The following KIAA0513 variants were observed in gnomAD, a reference collection of about 807,000 sequenced individuals.
KIAA0513 encodes uncharacterized protein KIAA0513.
Under a neutral mutation model 56.5 loss-of-function variants are expected in KIAA0513, and 39 were observed. The ratio of observed to expected loss-of-function variants is 0.69; its 90% CI spans 0.53 to 0.90. KIAA0513 has a LOEUF of 0.90. Ranked by LOEUF, KIAA0513 falls within the 40% of genes least tolerant of loss-of-function variation. The probability of loss-of-function intolerance (pLI) is 0.00; values close to 1 mark genes in which losing one functional copy is unlikely to be tolerated. For synonymous variants in KIAA0513, 268 were observed against 215.6 expected, an observed-to-expected ratio of 1.24 and a Z score of -2.13; for missense variants, 591 against 535.2, an observed-to-expected ratio of 1.10 and a Z score of -1.03.
chr16:85,082,610 G>A lies in KIAA0513; in HGVS notation c.1010+17G>A, dbSNP rs772956440. ...GGAGAAGAGGTGTGTGTGTCCACGT[G>A]ACTTTGTTCCATTTTACAGTGCGGG... is the stretch of plus-strand genomic sequence containing the variant. On this transcript the variant is annotated intron_variant, in intron 10 of 12. Coordinates refer to ENST00000683363, the MANE Select transcript of KIAA0513 (RefSeq NM_001388359.1). 1 of 1,613,866 alleles carries A rather than the reference G, an allele frequency of 6.2e-7. No homozygotes were observed. Among genetic ancestry groups the A allele is most frequent in the South Asian group, 1.1e-5 (1 of 91,074 alleles).
rs570788161 is a variant in KIAA0513, at chr16:85,030,534, G to C, written c.-173+2676G>C. On this transcript the variant is annotated intron_variant, in intron 1 of 12. Transcript: ENST00000683363. ...GGCCGAGGCAGGTGGATCACCTGAG[G>C]TCAGGAGTTCGAGACCAGCTTGGGC... Among the ~76,000 whole-genome samples, 467 of 152,208 alleles carry C rather than the reference G, an allele frequency of 3.1e-3. 1 individual carries two copies. The highest frequency in any genetic ancestry group is 0.011 in the African/African-American group (438 of 41,528).
intron 10 of KIAA0513, among the ~76,000 whole-genome samples, chr16:85,085,773 G>A (rs976011904): frequency 7.9e-5 from 12 of 152,212 alleles, no homozygotes; most frequent in African/African-American, 1.9e-4. Context: ...GCAGGTGAAC[G>A]CTCAGAACAC....
intron 1 of KIAA0513, among the ~76,000 whole-genome samples, chr16:85,031,593 T>C (rs574021558): frequency 2.0e-5 from 3 of 152,292 alleles, no homozygotes; most frequent in African/African-American, 7.2e-5. Flanking sequence ...CCTGCCTGTT[T>C]CTCCAGCTTC....
intron 1 of KIAA0513, among the ~76,000 whole-genome samples, chr16:85,049,179 G>A (rs1315252508): frequency 6.6e-6 from 1 of 152,228 alleles, no homozygotes. Flanking sequence ...CAGGTGTCAC[G>A]GGTAGGCAGG....
intron 1 of KIAA0513, among the ~76,000 whole-genome samples, chr16:85,058,364 C>T (rs555359668): frequency 6.7e-4 from 102 of 152,270 alleles, no homozygotes; most frequent in Non-Finnish European, 1.3e-3. Context: ...TAAAGAAATG[C>T]CTGTTTTGGC....
chr16:85,069,493 CG>C (rs751345246), intron 2 of KIAA0513, among the ~76,000 whole-genome samples: 17 of 152,078 alleles, frequency 1.1e-4, no homozygotes, highest in Admixed American at 3.9e-4. Context: ...AGGGAGAGTT[CG>C]GGGCTGTGAC....
At chr16:85,082,483 G>C in intron 9 of KIAA0513, 81 bp from the exon 10 acceptor site, 5 of 1,399,232 alleles carry the variant, frequency 3.6e-6, no homozygotes, top group Middle Eastern at 3.6e-4. Flanking sequence ...ACCCTCCTCT[G>C]CTTGTTCTCT....
chr16:85,059,014 T>A (rs1367732392), intron 1 of KIAA0513, among the ~76,000 whole-genome samples: 2 of 152,234 alleles, frequency 1.3e-5, no homozygotes, highest in Non-Finnish European at 2.9e-5. Flanking sequence ...TATAAATCTA[T>A]GTCTGGACAG....
intron 1 of KIAA0513, among the ~76,000 whole-genome samples, chr16:85,036,533 A>C (rs2073038777): frequency 6.6e-6 from 1 of 152,124 alleles, no homozygotes; most frequent in Admixed American, 6.5e-5. Context: ...ATTGTCTAGT[A>C]CTGGGAAAGA....
intron 1 of KIAA0513, among the ~76,000 whole-genome samples, chr16:85,030,720 G>A (rs2072952707): frequency 6.6e-6 from 1 of 151,230 alleles, no homozygotes; most frequent in Admixed American, 6.6e-5. Context: ...CTCCAGCCTG[G>A]GTGACAGAGA....
rs2073578405 is a variant in KIAA0513 at position 85,071,766 on chromosome 16, T to C, written c.330-17T>C. The C allele has an allele frequency of 8.3e-6, 3 of 363,394 alleles. No individual in the cohort carries two copies. Among genetic ancestry groups the C allele is most frequent in the Non-Finnish European group, 1.2e-5 (3 of 244,862 alleles). The allele number at this position is 363,394 out of a possible 1,614,324, so 22.5% of individuals were successfully genotyped here. ...GGTTTTTTTTTTTTTTCCTCTGCTC[T>C]TTTTTTTTTTTTTTAGGGAGGACTT... On this transcript the variant is annotated splice_polypyrimidine_tract_variant and intron_variant, in intron 2 of 12. Transcript: ENST00000683363.
rs547729553 is a variant in KIAA0513 at position 85,078,170 on chromosome 16, C to T, written c.783-245C>T. 2.1e-3 allele frequency among the ~76,000 whole-genome samples: 318 copies of T among 152,302 alleles called. 1 individual carries two copies. Among genetic ancestry groups the T allele is most frequent in the South Asian group, 6.4e-3 (31 of 4,832 alleles). On this transcript the variant is annotated intron_variant, in intron 6 of 12. Transcript: ENST00000683363. ...GCTGGGCCACAGCCGGGTGCCTTGG[C>T]CTCCTCCTCTACCCCATTCAGCTTT...
At chr16:85,073,274 G>C (rs1452416013) in intron 4 of KIAA0513, among the ~76,000 whole-genome samples, 2 of 152,234 alleles carry the variant, frequency 1.3e-5, no homozygotes, top group Non-Finnish European at 2.9e-5. Context: ...GGGCCAGATG[G>C]TGATGGTGCA....
Position 85,031,149 on chromosome 16 carries a change from A to G in KIAA0513, c.-173+3291A>G, listed in dbSNP as rs557146087. Among the ~76,000 whole-genome samples the G allele has an allele frequency of 2.0e-5, 3 of 152,312 alleles. No individual in the cohort carries two copies. The South Asian group carries it at 6.2e-4, about 32-fold the overall frequency. On this transcript the variant is annotated intron_variant, in intron 1 of 12. Coordinates refer to ENST00000683363, the MANE Select transcript of KIAA0513 (RefSeq NM_001388359.1). Reference sequence around the variant, plus strand: ...ATTAAGCTCATTCTGTAGAGGCCCAAGGTTCCAAGAACTGAAGGACAAAAG... The same window carrying G: ...ATTAAGCTCATTCTGTAGAGGCCCAGGGTTCCAAGAACTGAAGGACAAAAG...
At chr16:85,033,481 G>A (rs1418925575) in intron 1 of KIAA0513, among the ~76,000 whole-genome samples, 2 of 152,210 alleles carry the variant, frequency 1.3e-5, no homozygotes, top group Admixed American at 6.5e-5. Context: ...GGGTGAATAC[G>A]ATGCCCTGCC....
intron 1 of KIAA0513, among the ~76,000 whole-genome samples, chr16:85,059,128 A>G (rs2073369092): frequency 6.6e-6 from 1 of 152,228 alleles, no homozygotes; most frequent in South Asian, 2.1e-4. Context: ...TAGACCAACT[A>G]TTGCTTAGTA....
At chr16:85,078,381 C>T (rs2291968) in intron 6 of KIAA0513, 34 bp from the exon 7 acceptor site, 84,277 of 1,609,744 alleles carry the variant, frequency 0.052, 3,683 homozygotes, top group East Asian at 0.24. Flanking sequence ...TGGTGTGAGT[C>T]GCGTGTGTCA....
chr16:85,054,985 C>T (rs551672012), intron 1 of KIAA0513, among the ~76,000 whole-genome samples: 19 of 152,218 alleles, frequency 1.2e-4, no homozygotes, highest in African/African-American at 4.6e-4. Flanking sequence ...TGCAGTGGTA[C>T]AATCTCGGTT....
chr16:85,053,761 G>A (rs2073287968), intron 1 of KIAA0513, among the ~76,000 whole-genome samples: 1 of 152,158 alleles, frequency 6.6e-6, no homozygotes, highest in Non-Finnish European at 1.5e-5. Flanking sequence ...GGGAGGCTGA[G>A]GAGGCGCGGA....
Sources: allele counts gnomAD v4.1 joint callset (sites outside exome capture counted in the v4.1 genomes callset), GRCh38; gene constraint gnomAD v4.1.1; transcripts MANE v1.5; gene names NCBI Gene and HGNC (gene_info 2026-07-23, HGNC 2026-07-21).